The following PRKCI variants were observed in gnomAD, a reference collection of about 807,000 sequenced individuals.
PRKCI encodes the protein protein kinase C iota type.
Under a neutral mutation model 84.0 loss-of-function variants are expected in PRKCI, and 43 were observed. That is an observed-to-expected ratio of 0.51 (90% CI 0.40 to 0.66). The LOEUF (loss-of-function observed/expected upper bound fraction) is 0.66, where lower values mean the gene tolerates loss of function less well. Among genes scored for constraint, PRKCI ranks in the 30% least tolerant of loss-of-function variants. The pLI is 0.00. For synonymous variants in PRKCI, 216 were observed against 234.4 expected, an observed-to-expected ratio of 0.92 and a Z score of 0.72; for missense variants, 459 against 745.6, an observed-to-expected ratio of 0.62 and a Z score of 4.48.
chr3:170,282,541 AC>A, intron 11 of PRKCI, among the ~76,000 whole-genome samples: 1 of 151,804 alleles, frequency 6.6e-6, no homozygotes. Flanking sequence ...TACTAAAAAT[AC>A]AAAAATTTGC....
intron 11 of PRKCI, 100 bp downstream of exon 11, chr3:170,282,068 C>A: frequency 8.1e-7 from 1 of 1,235,964 alleles, no homozygotes; most frequent in Non-Finnish European, 1.1e-6. Flanking sequence ...TATTTTGATA[C>A]TAGTTAATTA....
chr3:170,274,503 A>G (rs1378342625), intron 7 of PRKCI, among the ~76,000 whole-genome samples: 15 of 152,226 alleles, frequency 9.9e-5, no homozygotes, highest in African/African-American at 3.4e-4. Flanking sequence ...GAGAGATGCA[A>G]TATAGGAAAT....
chr3:170,222,824 G>A, intron 1 of PRKCI, 54 bp downstream of exon 1: 1 of 1,446,142 alleles, frequency 6.9e-7, no homozygotes, highest in Non-Finnish European at 9.5e-7. Flanking sequence ...GGCTCCACTC[G>A]GCCTGGAGGA....
At chr3:170,284,024 T>A (rs1734315218) in intron 11 of PRKCI, among the ~76,000 whole-genome samples, 1 of 152,206 alleles carries the variant, frequency 6.6e-6, no homozygotes, top group Admixed American at 6.5e-5. Flanking sequence ...GTAGTCAGCT[T>A]GTAGTATTCT....
At chr3:170,269,275 A>G (rs1463898668) in intron 5 of PRKCI, among the ~76,000 whole-genome samples, 1 of 152,214 alleles carries the variant, frequency 6.6e-6, no homozygotes, top group Admixed American at 6.5e-5. Context: ...TTTCCATTCT[A>G]AAACTAATGC....
chr3:170,293,602 T>C (rs1220091397), intron 14 of PRKCI, 94 bp downstream of exon 14: 1 of 1,353,848 alleles, frequency 7.4e-7, no homozygotes, highest in Non-Finnish European at 1.0e-6. Context: ...GTAAGAAAAA[T>C]GAGCATAATC....
At chr3:170,276,961 C>T (rs565645246) in intron 8 of PRKCI, among the ~76,000 whole-genome samples, 2 of 152,098 alleles carry the variant, frequency 1.3e-5, no homozygotes, top group East Asian at 3.9e-4. Context: ...GAGCAAAGGG[C>T]TGGGCATGGT....
intron 6 of PRKCI, 72 bp from the exon 7 acceptor site, chr3:170,273,214 G>A (rs1734039595): frequency 1.6e-6 from 2 of 1,221,774 alleles, no homozygotes; most frequent in Middle Eastern, 2.0e-4. Flanking sequence ...GCTGTGTGTT[G>A]TTGAAATAGT....
At chr3:170,259,470 T>C (rs1471283761) in intron 2 of PRKCI, among the ~76,000 whole-genome samples, 7 of 152,268 alleles carry the variant, frequency 4.6e-5, no homozygotes, top group African/African-American at 1.7e-4. Flanking sequence ...GGAAGTTATA[T>C]GTTACCTACT....
Position 170,284,608 on chromosome 3 carries a change from T to G in PRKCI, c.1203+12T>G, listed in dbSNP as rs752391192. 1 of 1,604,736 alleles carries G rather than the reference T, an allele frequency of 6.2e-7. No individual in the cohort carries two copies. The highest frequency in any genetic ancestry group is 1.1e-5 in the South Asian group (1 of 88,728). ...ACGGCATGTGTAAGGTGAGGAAAAT[T>G]TTCTAGTTATTTTAAAAGGTCTTCA... On this transcript the variant is annotated intron_variant, in intron 12 of 17. Transcript: ENST00000295797.
chr3:170,235,374 C>T, intron 2 of PRKCI, 23 bp downstream of exon 2: 6 of 1,610,240 alleles, frequency 3.7e-6, no homozygotes, highest in Non-Finnish European at 4.2e-6. Flanking sequence ...GACAGGGCTG[C>T]CTGTGTAAGC....
At position 170,280,211 on chromosome 3, in the gene PRKCI, C is replaced by G; in HGVS notation, c.706-16C>G. On this transcript the variant is annotated splice_polypyrimidine_tract_variant and intron_variant, in intron 8 of 17. Coordinates refer to ENST00000295797, the MANE Select transcript of PRKCI (RefSeq NM_002740.6). Reference sequence around the variant, plus strand: ...AGCATTTCCCATTATAACTCTGATACAAATGTTCTCAACAGGCAATGAACA... The same window carrying G: ...AGCATTTCCCATTATAACTCTGATAGAAATGTTCTCAACAGGCAATGAACA... 6.2e-7 allele frequency: 1 copy of G among 1,601,278 alleles called. No individual in the cohort carries two copies. Among genetic ancestry groups the G allele is most frequent in the African/African-American group, 1.3e-5 (1 of 74,362 alleles).
At chr3:170,230,433 T>C (rs1292288952) in intron 1 of PRKCI, among the ~76,000 whole-genome samples, 1 of 151,450 alleles carries the variant, frequency 6.6e-6, no homozygotes, top group Non-Finnish European at 1.5e-5. Flanking sequence ...TGGGTTGAAG[T>C]GATTCTCCTG....
chr3:170,238,598 T>C (rs994692524), intron 2 of PRKCI, among the ~76,000 whole-genome samples: 1 of 149,466 alleles, frequency 6.7e-6, no homozygotes, highest in Non-Finnish European at 1.5e-5. Context: ...TCTTTTCTTT[T>C]TTTTTTTTTT....
At chr3:170,295,675 C>CA (rs542714146) in intron 14 of PRKCI, among the ~76,000 whole-genome samples, 1,571 of 84,316 alleles carry the variant, frequency 0.019, 20 homozygotes, top group African/African-American at 0.042. Context: ...GACTCCATCT[C>CA]AAAAAAAAAA....
At chr3:170,250,694 A>G (rs185184675) in intron 2 of PRKCI, among the ~76,000 whole-genome samples, 33 of 152,296 alleles carry the variant, frequency 2.2e-4, no homozygotes, top group African/African-American at 7.9e-4. Flanking sequence ...TAATGTTGCT[A>G]CGAACATTTG....
chr3:170,261,863 C>T (rs1210141218), intron 3 of PRKCI, among the ~76,000 whole-genome samples: 1 of 152,064 alleles, frequency 6.6e-6, no homozygotes, highest in Non-Finnish European at 1.5e-5. Context: ...TCTAAAAGAG[C>T]TTTAAGAGTC....
Position 170,303,987 on chromosome 3 carries a change from CAAAAACCAAATTGGG to C in PRKCI, c.*864_*878del, listed in dbSNP as rs1734891871. On this transcript the variant is annotated 3_prime_UTR_variant, in exon 18 of 18. Transcript: ENST00000295797. ...ACAGTGAGTGAGACTCGGTCTCAAA[CAAAAACCAAATTGGG>C]AAATTCTTCTTGAGTTAAAAAAGAC... The C allele has an allele frequency of 6.2e-6, 1 of 160,796 alleles. No homozygotes were observed. The highest frequency in any genetic ancestry group is 1.4e-5 in the Non-Finnish European group (1 of 73,170). The allele number at this position is 160,796 out of a possible 1,614,324, so 10.0% of individuals were successfully genotyped here. A position where few individuals can be genotyped will look rare whatever the true frequency, so the allele number is the denominator to read the frequency against.
At chr3:170,238,776 G>C (rs1733046929) in intron 2 of PRKCI, among the ~76,000 whole-genome samples, 1 of 152,034 alleles carries the variant, frequency 6.6e-6, no homozygotes, top group Admixed American at 6.6e-5. Flanking sequence ...ATTTTTAGTA[G>C]AGACGGGGTT....
Sources: allele counts gnomAD v4.1 joint callset (sites outside exome capture counted in the v4.1 genomes callset), GRCh38; gene constraint gnomAD v4.1.1; transcripts MANE v1.5; gene names NCBI Gene and HGNC (gene_info 2026-07-23, HGNC 2026-07-21).